The following EPHA8 variants were observed in gnomAD, a reference collection of about 807,000 sequenced individuals.
EPHA8 encodes the protein ephrin type-A receptor 8.
In EPHA8, 58 loss-of-function variants were observed where a neutral mutation model predicts 103.6. The observed-to-expected ratio is 0.56, with a 90% CI of 0.45 to 0.70. EPHA8 has a LOEUF of 0.70. Among genes scored for constraint, EPHA8 ranks in the 30% least tolerant of loss-of-function variants. The probability of loss-of-function intolerance (pLI) is 0.00; values close to 1 mark genes in which losing one functional copy is unlikely to be tolerated. For synonymous variants in EPHA8, 559 were observed against 572.5 expected (o/e 0.98, Z 0.34); for missense variants, 1,304 against 1,395.2 (o/e 0.93, Z 1.04).
chr1:22,597,233 A>G lies in EPHA8; in HGVS notation c.1766-79A>G. The G allele has an allele frequency of 2.4e-6, 3 of 1,234,390 alleles. No homozygotes were observed. The highest frequency in any genetic ancestry group is 1.5e-5 in the African/African-American group (1 of 66,442). The allele number at this position is 1,234,390 out of a possible 1,614,324, so 76.5% of individuals were successfully genotyped here. On this transcript the variant is annotated intron_variant, in intron 9 of 16. Transcript: ENST00000166244. The surrounding 1 kb of genome is among the most constrained non-coding windows in gnomAD (Gnocchi z 4.6). The stretch of plus-strand genomic sequence containing the variant: ...AGAGACACCCCTCACCCCACCCCAG[A>G]CCCATCCCAGGCCCAGGGAATGTCA...
intron 2 of EPHA8, among the ~76,000 whole-genome samples, chr1:22,570,742 C>A (rs777044499): frequency 2.0e-5 from 3 of 152,254 alleles, no homozygotes; most frequent in Non-Finnish European, 4.4e-5. Context: ...CCCTGGCTCT[C>A]CAGGTCCCTG....
Position 22,597,714 on chromosome 1 carries a change from C to G in EPHA8, c.1969C>G (p.Pro657Ala). Residue 657 changes from proline (P) to alanine (A), a missense_variant, in exon 11 of 17, where the codon CCA becomes GCA. Coordinates refer to ENST00000166244, the MANE Select transcript of EPHA8 (RefSeq NM_020526.5). This position sits in a 1 kb window ranked among gnomAD's most constrained non-coding sequence, Gnocchi z 4.6. Reference protein sequence around the residue: ...GEVCYGRLRVPGQRDVPVAIK... With the variant: ...GEVCYGRLRVAGQRDVPVAIK... Reference sequence around the variant, plus strand: ...AGTCTGCTACGGGAGGCTGCGGGTGCCAGGGCAGCGGGATGTGCCCGTGGC... The same window carrying G: ...AGTCTGCTACGGGAGGCTGCGGGTGGCAGGGCAGCGGGATGTGCCCGTGGC... 1 of 1,612,354 alleles carries G rather than the reference C, an allele frequency of 6.2e-7. No homozygotes were observed.
At chr1:22,601,595 C>A (rs1413780089) in intron 16 of EPHA8, 32 bp from the exon 17 acceptor site, 1 of 1,581,660 alleles carries the variant, frequency 6.3e-7, no homozygotes, top group Admixed American at 1.8e-5. Flanking sequence ...GCCTCCCAGG[C>A]CCAGCTGGCC....
Position 22,589,475 on chromosome 1 carries a change from T to C in EPHA8, c.1315+269T>C. ...AGCCTAGGTTCCAGAACTTTCCCTC[T>C]CTGTGCCTCAGTTTCCTCCCTGGTG... On this transcript the variant is annotated intron_variant, in intron 5 of 16. Transcript: ENST00000166244. The surrounding 1 kb of genome is among the most constrained non-coding windows in gnomAD (Gnocchi z 4.3). 1.4e-6 allele frequency: 2 copies of C among 1,474,396 alleles called. No individual in the cohort carries two copies. Among genetic ancestry groups the C allele is most frequent in the Non-Finnish European group, 1.8e-6 (2 of 1,120,958 alleles). 91.3% of individuals were successfully genotyped at this position (1,474,396 alleles called of 1,614,324 possible). A position where few individuals can be genotyped will look rare whatever the true frequency, so the allele number is the denominator to read the frequency against.
chr1:22,598,910 C>G lies in EPHA8; in HGVS notation c.2251C>G (p.Leu751Val), dbSNP rs552850440. ...LRGVGAGMRYLSDLGYVHRDL... is the reference protein window; with the variant it reads ...LRGVGAGMRYVSDLGYVHRDL... ...AGGAGTGGGTGCCGGCATGCGCTAC[C>G]TCTCAGACCTGGGCTATGTCCACCG... The change falls in exon 13 of 17, where the codon CTC (leucine) becomes GTC (valine). Residue 751 changes from leucine (L) to valine (V), a missense_variant. By Grantham distance (32) the Leu-to-Val change is conservative (BLOSUM62 1). Transcript: ENST00000166244. This position sits in a 1 kb window ranked among gnomAD's most constrained non-coding sequence, Gnocchi z 5.1. The G allele has an allele frequency of 6.2e-7, 1 of 1,613,052 alleles. No homozygotes were observed. The highest frequency in any genetic ancestry group is 2.2e-5 in the East Asian group (1 of 44,852).
chr1:22,578,410 A>G (rs1196946503), intron 3 of EPHA8, among the ~76,000 whole-genome samples: 2 of 112,742 alleles, frequency 1.8e-5, no homozygotes, highest in Non-Finnish European at 3.6e-5. Flanking sequence ...GAGTGTATGC[A>G]TGTCTGCATG....
At position 22,595,301 on chromosome 1, in the gene EPHA8, C is replaced by T. The variant is rs200214765; in HGVS notation, c.1675C>T (p.Leu559Phe). The T allele has an allele frequency of 8.1e-4, 1,313 of 1,613,706 alleles. 1 individual carries two copies. Among genetic ancestry groups the T allele is most frequent in the Non-Finnish European group, 8.6e-4 (1,010 of 1,179,814 alleles). Reference protein sequence around the residue: ...TLITGLVVLLLLLICKKRHCG... With the variant: ...TLITGLVVLLFLLICKKRHCG... ...CATCACGGGCCTGGTGGTGCTTCTG[C>T]TCCTGCTCATCTGCAAGAAGAGGTG... Residue 559 changes from leucine (L) to phenylalanine (F), a missense_variant, in exon 8 of 17, where the codon CTC (leucine) becomes TTC (phenylalanine). By Grantham distance (22) the Leu-to-Phe change is conservative. Transcript: ENST00000166244.
rs527914747 is a variant in EPHA8, at chr1:22,598,433, C to T, written c.2178+221C>T. On this transcript the variant is annotated intron_variant, in intron 12 of 16. Coordinates refer to ENST00000166244, the MANE Select transcript of EPHA8 (RefSeq NM_020526.5). This position sits in a 1 kb window ranked among gnomAD's most constrained non-coding sequence, Gnocchi z 5.1. ...CCCTCTGCTCCATGGGATCCTGCTG[C>T]CCTGCACACAGGCTGAGGGGGGTGC... Among the ~76,000 whole-genome samples, 1 of 152,338 alleles carries T rather than the reference C, an allele frequency of 6.6e-6. No individual in the cohort carries two copies. The highest frequency in any genetic ancestry group is 6.5e-5 in the Admixed American group (1 of 15,304).
At position 22,569,320 on chromosome 1, in the gene EPHA8, G is replaced by A. The variant is rs757403834; in HGVS notation, c.126G>A (p.Gly42=). ...VNLLDTSTIH[G]DWGWLTYPAH... ...TGCTGGACACGTCGACCATCCACGG[G>A]GACTGGGGCTGGCTCACGTATCCGG... Residue 42 remains glycine, a synonymous_variant, in exon 2 of 17, where the codon GGG becomes GGA. Transcript: ENST00000166244. This position sits in a 1 kb window ranked among gnomAD's most constrained non-coding sequence, Gnocchi z 4.5. The A allele has an allele frequency of 1.2e-6, 2 of 1,609,368 alleles. No homozygotes were observed. Among genetic ancestry groups the A allele is most frequent in the Admixed American group, 3.4e-5 (2 of 59,462 alleles).
Position 22,589,706 on chromosome 1 carries a change from T to C in EPHA8, c.1315+500T>C. ...TGCACTGGCTTGGACCACAGTAGTT[T>C]ATCTATCAGTTTCTGGCCAGTTGGT... is the stretch of plus-strand genomic sequence containing the variant. On this transcript the variant is annotated intron_variant, in intron 5 of 16. Coordinates refer to ENST00000166244, the MANE Select transcript of EPHA8 (RefSeq NM_020526.5). This position sits in a 1 kb window ranked among gnomAD's most constrained non-coding sequence, Gnocchi z 4.3. 2 of 1,051,262 alleles carry C rather than the reference T, an allele frequency of 1.9e-6. No homozygotes were observed. The highest frequency in any genetic ancestry group is 1.7e-5 in the African/African-American group (1 of 59,762). The allele number at this position is 1,051,262 out of a possible 1,614,324, so 65.1% of individuals were successfully genotyped here.
chr1:22,574,338 G>A (rs1022760556), intron 2 of EPHA8, among the ~76,000 whole-genome samples: 2 of 152,138 alleles, frequency 1.3e-5, no homozygotes, highest in African/African-American at 2.4e-5. Flanking sequence ...AAAGTTTACC[G>A]TCTTAACCCT....
intron 3 of EPHA8, among the ~76,000 whole-genome samples, chr1:22,583,572 T>C (rs1029205504): frequency 3.3e-5 from 5 of 152,184 alleles, no homozygotes; most frequent in African/African-American, 1.2e-4. Context: ...TGTCGAACAA[T>C]TGTAAGAATT....
At position 22,567,542 on chromosome 1, in the gene EPHA8, C is replaced by A. The variant is rs540115184; in HGVS notation, c.95-1747C>A. On this transcript the variant is annotated intron_variant, in intron 1 of 16. Transcript: ENST00000166244. The surrounding 1 kb of genome is among the most constrained non-coding windows in gnomAD (Gnocchi z 4.2). ...GCCCCTGGGGACCCAGGGAGGAATG[C>A]AGGGAGGAGCGCGGAGACCCCCTCC... Among the ~76,000 whole-genome samples, 1 of 152,194 alleles carries A rather than the reference C, an allele frequency of 6.6e-6. No individual in the cohort carries two copies. The highest frequency in any genetic ancestry group is 2.1e-4 in the South Asian group (1 of 4,824).
At chr1:22,578,358 G>A (rs111161984) in intron 3 of EPHA8, among the ~76,000 whole-genome samples, 2,015 of 145,474 alleles carry the variant, frequency 0.014, 36 homozygotes, top group African/African-American at 0.049. Flanking sequence ...GTATGTGTGC[G>A]TGCATGTGTG....
Position 22,586,648 on chromosome 1 carries a change from C to T in EPHA8, c.979+13C>T, listed in dbSNP as rs1338555483. 4 of 1,612,792 alleles carry T rather than the reference C, an allele frequency of 2.5e-6. No homozygotes were observed. In the African/African-American group the frequency reaches 5.3e-5, roughly 22 times the overall value. On this transcript the variant is annotated intron_variant, in intron 4 of 16. Transcript: ENST00000166244. ...TCAGCCTGCACCCGTGAGTACCACT[C>T]CGAGATGCCAGTACCCTTGAGCCCA...
rs530722732 is a variant in EPHA8 at position 22,568,411 on chromosome 1, G to C, written c.95-878G>C. Among the ~76,000 whole-genome samples, 27 of 152,276 alleles carry C rather than the reference G, an allele frequency of 1.8e-4. No homozygotes were observed. In the East Asian group the frequency reaches 2.5e-3, roughly 14 times the overall value. Reference sequence around the variant, plus strand: ...AGACTACCCAGAGGTTCTGTTTCTCGGGCCCGAGCATCCAGGGATGGTGGA... The same window carrying C: ...AGACTACCCAGAGGTTCTGTTTCTCCGGCCCGAGCATCCAGGGATGGTGGA... On this transcript the variant is annotated intron_variant, in intron 1 of 16. Transcript: ENST00000166244.
intron 9 of EPHA8, among the ~76,000 whole-genome samples, chr1:22,596,491 A>G (rs1641522113): frequency 6.6e-6 from 1 of 152,148 alleles, no homozygotes; most frequent in African/African-American, 2.4e-5. Context: ...AGGATCCTGT[A>G]GAGATCCCAG....
At chr1:22,594,805 C>T (rs1641472201) in intron 7 of EPHA8, among the ~76,000 whole-genome samples, 1 of 152,206 alleles carries the variant, frequency 6.6e-6, no homozygotes, top group African/African-American at 2.4e-5. Context: ...GAGCCTCTTT[C>T]CATCTGAAAA....
In EPHA8 at chr1:22,581,574, G is replaced by T. The variant is rs573229113; in HGVS notation, c.823+4694G>T. ...CTTGCCCAATTTTCTCAGCACATCA[G>T]GGGTGGGGCTCTGAGTGGAAACCCC... On this transcript the variant is annotated intron_variant, in intron 3 of 16. Coordinates refer to ENST00000166244, the MANE Select transcript of EPHA8 (RefSeq NM_020526.5). Among the ~76,000 whole-genome samples the T allele has an allele frequency of 1.8e-4, 28 of 152,300 alleles. No homozygotes were observed. The South Asian group carries it at 5.6e-3, about 30-fold the overall frequency.
Sources: gnomAD v4.1 joint callset for allele counts (sites outside exome capture counted in the v4.1 genomes callset) on GRCh38, gnomAD v4.1.1 for gene constraint, Gnocchi (gnomAD v3.1) non-coding constraint, MANE v1.5 for transcripts, NCBI Gene and HGNC (gene_info 2026-07-23, HGNC 2026-07-21) for gene names.